Variants in RNF220 observed in about 807,000 individuals in gnomAD.
RNF220 encodes the protein ring finger protein 220.
In RNF220, 7 loss-of-function variants were observed where a neutral mutation model predicts 67.1. The ratio of observed to expected loss-of-function variants is 0.10; its 90% confidence interval spans 0.06 to 0.20. RNF220 has a LOEUF of 0.20. RNF220 is among the 10% of genes least tolerant of loss of function. The probability of loss-of-function intolerance (pLI) is 1.00; values close to 1 mark genes in which losing one functional copy is unlikely to be tolerated. For missense variants in RNF220, 565 were observed against 740.3 expected (o/e 0.76, Z 2.75); for synonymous variants, 270 against 283.2 (o/e 0.95, Z 0.47).
At chr1:44,564,905 AAGTTCCTTT>A (rs71724993) in intron 2 of RNF220, among the ~76,000 whole-genome samples, 10,390 of 152,226 alleles carry the variant, frequency 0.068, 372 homozygotes, top group Non-Finnish European at 0.087. Context: ...CTTAGATTGT[AAGTTCCTTT>A]AGAAAAGGGA....
chr1:44,415,504 TACAC>T (rs386366838), intron 2 of RNF220, among the ~76,000 whole-genome samples: 28 of 150,856 alleles, frequency 1.9e-4, no homozygotes, highest in African/African-American at 6.6e-4. Context: ...ATGGTTGATA[TACAC>T]ACACACACAC....
chr1:44,512,157 C>T (rs1013668933), intron 2 of RNF220, among the ~76,000 whole-genome samples: 5 of 152,162 alleles, frequency 3.3e-5, no homozygotes, highest in Non-Finnish European at 7.3e-5. Flanking sequence ...GAGGGACACT[C>T]TCTGGATGAA....
chr1:44,547,960 AC>A (rs1343420224), intron 2 of RNF220, among the ~76,000 whole-genome samples: 1 of 151,452 alleles, frequency 6.6e-6, no homozygotes, highest in African/African-American at 2.4e-5. Context: ...CAGTCTTATT[AC>A]CCCCAGCACC....
At chr1:44,507,853 T>C (rs1345985283) in intron 2 of RNF220, among the ~76,000 whole-genome samples, 1 of 151,940 alleles carries the variant, frequency 6.6e-6, no homozygotes, top group East Asian at 1.9e-4. Flanking sequence ...GAATGCTCTT[T>C]TGTGTGGAGG....
intron 2 of RNF220, among the ~76,000 whole-genome samples, chr1:44,497,642 G>A (rs1427815227): frequency 6.6e-6 from 1 of 152,080 alleles, no homozygotes; most frequent in Non-Finnish European, 1.5e-5. Context: ...TGTCCAAACA[G>A]GTCTTCCTGT....
At chr1:44,553,346 G>A (rs965322037) in intron 2 of RNF220, among the ~76,000 whole-genome samples, 2 of 151,116 alleles carry the variant, frequency 1.3e-5, no homozygotes, top group South Asian at 4.2e-4. Context: ...CATGATAAGT[G>A]CCCTACAAAT....
intron 2 of RNF220, among the ~76,000 whole-genome samples, chr1:44,494,643 G>A (rs1657167360): frequency 6.6e-6 from 1 of 152,002 alleles, no homozygotes; most frequent in Admixed American, 6.5e-5. Context: ...GCCTCCATTT[G>A]TGGAAATGTA....
intron 2 of RNF220, among the ~76,000 whole-genome samples, chr1:44,460,513 G>A (rs1385461474): frequency 6.6e-6 from 1 of 152,256 alleles, no homozygotes; most frequent in Middle Eastern, 3.2e-3. Flanking sequence ...TCAGTAGGCT[G>A]ATTCTGCGAA....
At chr1:44,578,463 C>T (rs549704218) in intron 2 of RNF220, among the ~76,000 whole-genome samples, 2 of 152,258 alleles carry the variant, frequency 1.3e-5, no homozygotes, top group Non-Finnish European at 2.9e-5. Flanking sequence ...AATTTGAGTC[C>T]ATGCCAAGGG....
At chr1:44,426,418 A>G (rs1174311662) in intron 2 of RNF220, among the ~76,000 whole-genome samples, 1 of 152,204 alleles carries the variant, frequency 6.6e-6, no homozygotes, top group Non-Finnish European at 1.5e-5. Context: ...GATTGGAAAG[A>G]GCAAGAATTT....
intron 2 of RNF220, among the ~76,000 whole-genome samples, chr1:44,609,632 G>A (rs942468732): frequency 6.6e-6 from 1 of 152,246 alleles, no homozygotes; most frequent in Admixed American, 6.5e-5. Flanking sequence ...ACAGAGGGGG[G>A]CAGCAGAGGG....
At chr1:44,450,310 G>A (rs115957134) in intron 2 of RNF220, among the ~76,000 whole-genome samples, 1 of 152,080 alleles carries the variant, frequency 6.6e-6, no homozygotes, top group Admixed American at 6.5e-5. Context: ...CAGGAGGTTG[G>A]GTTTTTTTAA....
At chr1:44,602,495 CCT>C (rs1666992523) in intron 2 of RNF220, among the ~76,000 whole-genome samples, 2 of 151,970 alleles carry the variant, frequency 1.3e-5, no homozygotes, top group Non-Finnish European at 2.9e-5. Context: ...TTGGCATGGT[CCT>C]CTGTCCCAGA....
chr1:44,624,164 G>A lies in RNF220; in HGVS notation c.804+1377G>A, dbSNP rs1463184683. Among the ~76,000 whole-genome samples, 2 of 152,214 alleles carry A rather than the reference G, an allele frequency of 1.3e-5. No homozygotes were observed. Among genetic ancestry groups the A allele is most frequent in the African/African-American group, 4.8e-5 (2 of 41,448 alleles). Reference sequence around the variant, plus strand: ...CCCCAAAGAGAAAGGGGAGGCTGGGGGTGCCAGGCAGCTGCAGACTCACAG... The same window carrying A: ...CCCCAAAGAGAAAGGGGAGGCTGGGAGTGCCAGGCAGCTGCAGACTCACAG... On this transcript the variant is annotated intron_variant, in intron 4 of 14. Coordinates refer to ENST00000361799, the MANE Select transcript of RNF220 (RefSeq NM_018150.4). This position sits in a 1 kb window ranked among gnomAD's most constrained non-coding sequence, Gnocchi z 4.2.
chr1:44,474,082 T>A (rs193246262), intron 2 of RNF220, among the ~76,000 whole-genome samples: 54 of 151,956 alleles, frequency 3.6e-4, no homozygotes, highest in Admixed American at 7.2e-4. Context: ...AATAAAAAAA[T>A]AATAATAATA....
chr1:44,610,308 G>A (rs1038364529), intron 2 of RNF220, among the ~76,000 whole-genome samples: 1 of 152,192 alleles, frequency 6.6e-6, no homozygotes, highest in Non-Finnish European at 1.5e-5. Flanking sequence ...CTGAGGCAGC[G>A]CCCGGGGATT....
intron 5 of RNF220, among the ~76,000 whole-genome samples, chr1:44,629,641 C>A (rs1349148896): frequency 3.9e-5 from 6 of 152,032 alleles, no homozygotes; most frequent in Non-Finnish European, 1.5e-5. Flanking sequence ...AGTTCAAGAC[C>A]AGCCTGGGCA....
chr1:44,445,894 T>C (rs377331858), intron 2 of RNF220, among the ~76,000 whole-genome samples: 3 of 152,254 alleles, frequency 2.0e-5, no homozygotes, highest in African/African-American at 7.2e-5. Flanking sequence ...CTTTTTGTTC[T>C]TGCGCCTAGC....
At position 44,635,566 on chromosome 1, in the gene RNF220, G is replaced by A. The variant is rs760452086; in HGVS notation, c.971G>A (p.Arg324Gln). Residue 324 changes from arginine (R) to glutamine (Q), a missense_variant, in exon 7 of 15, where the codon CGG becomes CAG. Physicochemically the swap from Arg to Gln is conservative, Grantham distance 43. Coordinates refer to ENST00000361799, the MANE Select transcript of RNF220 (RefSeq NM_018150.4). ...GCAGCTCGGATTGGGAAAATGAAAC[G>A]GAGGAAGCAAGATGAAGGGCAGGTA... is the stretch of plus-strand genomic sequence containing the variant. The part of the protein sequence containing the change: ...RLNARIGKMK[R>Q]RKQDEGQREG... 5.0e-6 allele frequency: 8 copies of A among 1,614,006 alleles called. No individual in the cohort carries two copies. In the Admixed American group the frequency reaches 6.7e-5, roughly 13 times the overall value.
Sources: gnomAD v4.1 joint callset for allele counts (sites outside exome capture counted in the v4.1 genomes callset) on GRCh38, gnomAD v4.1.1 for gene constraint, Gnocchi (gnomAD v3.1) non-coding constraint, MANE v1.5 for transcripts, NCBI Gene and HGNC (gene_info 2026-07-23, HGNC 2026-07-21) for gene names.